The following USH2A variants were observed in gnomAD, a reference collection of about 807,000 sequenced individuals.
The protein encoded by USH2A is Usher syndrome 2A (autosomal recessive, mild).
Under a neutral mutation model 538.9 loss-of-function variants are expected in USH2A, and 443 were observed. The ratio of observed to expected loss-of-function variants is 0.82; its 90% CI spans 0.76 to 0.89. The LOEUF (loss-of-function observed/expected upper bound fraction) is 0.89, where lower values mean the gene tolerates loss of function less well. Ranked by LOEUF, USH2A falls within the 40% of genes least tolerant of loss-of-function variation. The pLI is 0.00. For synonymous variants in USH2A, 2,413 were observed against 2,273.5 expected (o/e 1.06, Z -1.75); for missense variants, 6,633 against 6,324.8 (o/e 1.05, Z -1.65).
At chr1:216,366,918 T>C (rs1248508294) in intron 3 of USH2A, among the ~76,000 whole-genome samples, 6 of 152,190 alleles carry the variant, frequency 3.9e-5, no homozygotes, top group Non-Finnish European at 1.5e-5. Context: ...TTGACTGTTA[T>C]CATTATAAAA....
rs1395592455 is a variant in USH2A at position 216,323,486 on chromosome 1, G to A, written c.1538C>T (p.Thr513Ile). Residue 513 changes from threonine (T) to isoleucine (I), a missense_variant, in exon 8 of 72, where the codon ACC (threonine) becomes ATC (isoleucine). By Grantham distance (89) the Thr-to-Ile change is moderately conservative. Transcript: ENST00000307340. ...TTCATAATAATACCTCCCACTAATG[G>A]TGATTTCGTCCACTGCATAATATCT... The part of the protein sequence containing the change: ...RHRYYAVDEI[T>I]ISGRCQCHGH... The A allele has an allele frequency of 6.2e-7, 1 of 1,613,074 alleles. No individual in the cohort carries two copies. Among genetic ancestry groups the A allele is most frequent in the African/African-American group, 1.3e-5 (1 of 74,790 alleles).
At chr1:216,208,360 G>T (rs1275827317) in intron 15 of USH2A, among the ~76,000 whole-genome samples, 1 of 152,070 alleles carries the variant, frequency 6.6e-6, no homozygotes, top group African/African-American at 2.4e-5. Context: ...AAGGGTACAG[G>T]TTGCTGTGTT....
intron 9 of USH2A, among the ~76,000 whole-genome samples, chr1:216,306,795 T>C (rs1255835917): frequency 6.6e-6 from 1 of 152,150 alleles, no homozygotes; most frequent in African/African-American, 2.4e-5. Context: ...GTGATTGTTG[T>C]TTCTCTTCTG....
At chr1:215,923,268 C>A (rs1183022839) in intron 38 of USH2A, among the ~76,000 whole-genome samples, 13 of 151,784 alleles carry the variant, frequency 8.6e-5, no homozygotes, top group African/African-American at 2.4e-4. Context: ...AACAAACAAA[C>A]AAAAAAACAC....
intron 61 of USH2A, among the ~76,000 whole-genome samples, chr1:215,723,232 G>A (rs1006270776): frequency 6.6e-6 from 1 of 152,096 alleles, no homozygotes; most frequent in Non-Finnish European, 1.5e-5. Context: ...GAGGTTGGGA[G>A]AGCAGCTAGT....
At chr1:216,260,007 G>A (rs1019813594) in intron 11 of USH2A, among the ~76,000 whole-genome samples, 2 of 151,968 alleles carry the variant, frequency 1.3e-5, no homozygotes, top group African/African-American at 4.8e-5. Flanking sequence ...GATTCCTAAA[G>A]CAAGAGGATC....
At chr1:216,370,346 G>C (rs1408221086) in intron 3 of USH2A, among the ~76,000 whole-genome samples, 3 of 151,738 alleles carry the variant, frequency 2.0e-5, no homozygotes, top group African/African-American at 7.3e-5. Flanking sequence ...GGGCGACAGA[G>C]TGAGACTCTA....
At chr1:216,186,612 T>C (rs901538774) in intron 20 of USH2A, among the ~76,000 whole-genome samples, 1 of 151,942 alleles carries the variant, frequency 6.6e-6, no homozygotes, top group African/African-American at 2.4e-5. Flanking sequence ...ACCTATAGCA[T>C]TAGCTCCCAT....
chr1:215,685,409 G>C (rs1658392375), intron 61 of USH2A, among the ~76,000 whole-genome samples: 1 of 150,416 alleles, frequency 6.6e-6, no homozygotes, highest in Admixed American at 6.6e-5. Flanking sequence ...AATGCAAGGA[G>C]TACAATGGCG....
At chr1:215,945,663 C>T (rs1346324493) in intron 37 of USH2A, among the ~76,000 whole-genome samples, 2 of 152,056 alleles carry the variant, frequency 1.3e-5, no homozygotes, top group Admixed American at 6.5e-5. Context: ...CTTCCATTGT[C>T]AGTATACAAA....
intron 8 of USH2A, 120 bp from the exon 9 acceptor site, chr1:216,322,096 G>A: frequency 1.1e-6 from 1 of 943,620 alleles, no homozygotes. Flanking sequence ...ATATTTAATT[G>A]ATACAAAATC....
At chr1:216,048,755 A>G in intron 30 of USH2A, 108 bp from the exon 31 acceptor site, 1 of 936,364 alleles carries the variant, frequency 1.1e-6, no homozygotes, top group Non-Finnish European at 1.8e-6. Flanking sequence ...GACAAAAACA[A>G]AGAGACCAGA....
chr1:215,690,457 C>A (rs906395347), intron 61 of USH2A, among the ~76,000 whole-genome samples: 1 of 152,166 alleles, frequency 6.6e-6, no homozygotes, highest in Non-Finnish European at 1.5e-5. Flanking sequence ...TGTGGTGATG[C>A]AAACCTGCAG....
chr1:215,983,808 A>C (rs1667809616), intron 35 of USH2A, among the ~76,000 whole-genome samples: 1 of 152,236 alleles, frequency 6.6e-6, no homozygotes, highest in South Asian at 2.1e-4. Flanking sequence ...GTGACAATAA[A>C]GCATTCCCAG....
chr1:215,740,992 G>T (rs140135364), intron 60 of USH2A, among the ~76,000 whole-genome samples: 1 of 152,292 alleles, frequency 6.6e-6, no homozygotes, highest in Non-Finnish European at 1.5e-5. Context: ...CTCACCTGCT[G>T]TGTGGCCCGG....
rs527329734 is a variant in USH2A at position 215,902,147 on chromosome 1, A to C, written c.7301-1242T>G. Among the ~76,000 whole-genome samples the C allele has an allele frequency of 2.0e-5, 3 of 152,284 alleles. No individual in the cohort carries two copies. The South Asian group carries it at 6.2e-4, about 32-fold the overall frequency. On this transcript the variant is annotated intron_variant, in intron 38 of 71. Transcript: ENST00000307340. ...GTAATATAGGTTCCTAATGACCACA[A>C]ATTACCAGAGGCCATTGGTGAAGAA... is the stretch of plus-strand genomic sequence containing the variant.
intron 20 of USH2A, among the ~76,000 whole-genome samples, chr1:216,176,762 C>G (rs1356206803): frequency 1.3e-5 from 2 of 152,094 alleles, no homozygotes; most frequent in African/African-American, 4.8e-5. Flanking sequence ...CGTAGTTTTG[C>G]CTTTTCCAGA....
intron 58 of USH2A, among the ~76,000 whole-genome samples, chr1:215,747,674 A>T (rs1197886020): frequency 6.6e-6 from 1 of 152,140 alleles, no homozygotes; most frequent in African/African-American, 2.4e-5. Context: ...TGAAGAAGGA[A>T]TCGGGGACCC....
intron 41 of USH2A, 135 bp downstream of exon 41, chr1:215,888,291 A>G (rs1665116098): frequency 1.4e-6 from 2 of 1,392,822 alleles, no homozygotes; most frequent in East Asian, 2.4e-5. Context: ...GCCAAAGGCC[A>G]AAACCCAGTT....
Sources: gnomAD v4.1 joint callset for allele counts (sites outside exome capture counted in the v4.1 genomes callset) on GRCh38, gnomAD v4.1.1 for gene constraint, MANE v1.5 for transcripts, NCBI Gene and HGNC (gene_info 2026-07-23, HGNC 2026-07-21) for gene names.